Variants in TUSC3 observed in about 807,000 individuals in gnomAD.
The protein encoded by TUSC3 is tumor suppressor candidate 3.
A neutral mutation model predicts 44.8 loss-of-function variants in TUSC3; 45 were observed. The observed-to-expected ratio is 1.00, with a 90% CI of 0.79 to 1.29. TUSC3 has a LOEUF of 1.29. Ranked by LOEUF, TUSC3 falls within the 50% of genes most tolerant of loss-of-function variation. The probability of loss-of-function intolerance (pLI) is 0.00; values close to 1 mark genes in which losing one functional copy is unlikely to be tolerated. For synonymous variants in TUSC3, 212 were observed against 152.9 expected, an observed-to-expected ratio of 1.39 and a Z score of -2.85; for missense variants, 519 against 437.9, an observed-to-expected ratio of 1.19 and a Z score of -1.65.
At chr8:15,656,617 C>G (rs935921192) in intron 3 of TUSC3, among the ~76,000 whole-genome samples, 4 of 145,428 alleles carry the variant, frequency 2.8e-5, no homozygotes, top group Non-Finnish European at 6.1e-5. Context: ...TTTGCCAGGC[C>G]CAAGCCCACG....
At chr8:15,522,921 C>T (rs1801317089) in intron 2 of TUSC3, among the ~76,000 whole-genome samples, 1 of 152,132 alleles carries the variant, frequency 6.6e-6, no homozygotes, top group Non-Finnish European at 1.5e-5. Flanking sequence ...TTTCAAGGAG[C>T]AGAGAGAGGC....
In TUSC3 at chr8:15,488,281, G is replaced by A. The variant is rs531252200; in HGVS notation, n.189+4798G>A. Among the ~76,000 whole-genome samples, 32 of 151,574 alleles carry A rather than the reference G, an allele frequency of 2.1e-4. 1 individual carries two copies. Among genetic ancestry groups the A allele is most frequent in the South Asian group, 4.2e-4 (2 of 4,782 alleles). Reference sequence around the variant, plus strand: ...AGCAATTTGGGAATCCAAATTGCTTGAGCTCAGGAGCCCAGGACCAGCCTG... The same window carrying A: ...AGCAATTTGGGAATCCAAATTGCTTAAGCTCAGGAGCCCAGGACCAGCCTG... On this transcript the variant is annotated intron_variant and non_coding_transcript_variant, in intron 2 of 5. Transcript: ENST00000503191.
intron 1 of TUSC3, among the ~76,000 whole-genome samples, chr8:15,584,754 G>C (rs1292020594): frequency 1.3e-5 from 2 of 152,110 alleles, no homozygotes; most frequent in Non-Finnish European, 2.9e-5. Flanking sequence ...GTGAGAACAG[G>C]ATTCATTGAC....
chr8:15,823,739 A>G, the TUSC3 span, among the ~76,000 whole-genome samples: 3 of 152,304 alleles, frequency 2.0e-5, no homozygotes, highest in Non-Finnish European at 4.4e-5. Flanking sequence ...CTAAAATATC[A>G]GTGTTGAAAT....
At chr8:15,474,178 CACAG>C (rs1187092745) in intron 1 of TUSC3, among the ~76,000 whole-genome samples, 2 of 152,204 alleles carry the variant, frequency 1.3e-5, no homozygotes, top group Non-Finnish European at 2.9e-5. Flanking sequence ...TGCCCGACCT[CACAG>C]GCAGTCAGAC....
chr8:15,657,987 C>T (rs1183581192), intron 3 of TUSC3, among the ~76,000 whole-genome samples: 4 of 152,188 alleles, frequency 2.6e-5, no homozygotes, highest in Non-Finnish European at 5.9e-5. Flanking sequence ...GCAGGCTCAA[C>T]TTGCACTTTT....
chr8:15,757,794 T>A lies in TUSC3; in HGVS notation c.1032T>A (p.Asp344Glu), dbSNP rs1380188913. 4.1e-6 allele frequency: 6 copies of A among 1,462,912 alleles called. No homozygotes were observed. Among genetic ancestry groups the A allele is most frequent in the Non-Finnish European group, 5.8e-6 (6 of 1,042,346 alleles). 90.6% of individuals were successfully genotyped at this position (1,462,912 alleles called of 1,614,324 possible). A position where few individuals can be genotyped will look rare whatever the true frequency, so the allele number is the denominator to read the frequency against. Residue 344 changes from aspartate to glutamate, a missense_variant, in exon 10 of 11, where the codon GAT becomes GAA. Asp to Glu is a conservative substitution (Grantham distance 45, BLOSUM62 2). Transcript: ENST00000503731. The stretch of plus-strand genomic sequence containing the variant: ...TTCATTGTGGTGTATTGGAAAGTGA[T>A]CTGGACTTTGAGTGAGAAGATGTGA... The part of the protein sequence containing the change: ...RSKYHGYPYS[D>E]LDFE
At chr8:15,603,433 G>A (rs536952577) in intron 1 of TUSC3, among the ~76,000 whole-genome samples, 2 of 151,632 alleles carry the variant, frequency 1.3e-5, no homozygotes, top group African/African-American at 2.4e-5. Context: ...TGGAAAAACA[G>A]TTTGGCAATA....
the TUSC3 span, among the ~76,000 whole-genome samples, chr8:15,844,113 T>TG: frequency 1.3e-5 from 2 of 152,196 alleles, no homozygotes; most frequent in Admixed American, 6.6e-5. Flanking sequence ...GTTTCATTTT[T>TG]GTTTTCTGGT....
At chr8:15,849,973 T>G in the TUSC3 span, among the ~76,000 whole-genome samples, 6 of 151,906 alleles carry the variant, frequency 3.9e-5, no homozygotes, top group African/African-American at 1.5e-4. Context: ...TCCAAGTTGT[T>G]TTCCACTAAA....
chr8:15,551,412 T>C (rs1001979839), intron 1 of TUSC3, among the ~76,000 whole-genome samples: 1 of 151,832 alleles, frequency 6.6e-6, no homozygotes, highest in Non-Finnish European at 1.5e-5. Context: ...ATTAAAACTT[T>C]CTTATAAAGA....
At chr8:15,784,386 T>A in the TUSC3 span, among the ~76,000 whole-genome samples, 1 of 152,182 alleles carries the variant, frequency 6.6e-6, no homozygotes, top group Non-Finnish European at 1.5e-5. Flanking sequence ...TTTGAAACTG[T>A]GTATTAAATG....
intron 6 of TUSC3, among the ~76,000 whole-genome samples, chr8:15,710,528 C>G (rs1327109866): frequency 2.6e-5 from 4 of 151,614 alleles, no homozygotes; most frequent in Non-Finnish European, 5.9e-5. Flanking sequence ...ATTCCTATGG[C>G]AGGAAAACAT....
At chr8:15,568,094 A>G (rs1802742811) in intron 1 of TUSC3, among the ~76,000 whole-genome samples, 2 of 152,162 alleles carry the variant, frequency 1.3e-5, no homozygotes, top group Admixed American at 6.5e-5. Context: ...GAAAGTGACT[A>G]GAGCCATTCT....
chr8:15,470,323 A>T (rs576957595), intron 1 of TUSC3, among the ~76,000 whole-genome samples: 48 of 152,138 alleles, frequency 3.2e-4, no homozygotes, highest in Admixed American at 1.0e-3. Context: ...TAGGTGGAAC[A>T]AAGAGGTTTT....
chr8:15,523,704 G>GTATATATATATATATATATATATATA (rs1563273688), intron 2 of TUSC3, among the ~76,000 whole-genome samples: 13 of 112,552 alleles, frequency 1.2e-4, no homozygotes, highest in South Asian at 3.3e-4. Context: ...GTGTGTGTGT[G>GTATATATATATATATATATATATATA]TGTGTATATA....
At chr8:15,490,030 A>G (rs1800786552) in intron 2 of TUSC3, among the ~76,000 whole-genome samples, 1 of 152,246 alleles carries the variant, frequency 6.6e-6, no homozygotes, top group South Asian at 2.1e-4. Flanking sequence ...AGGACATTCT[A>G]GCAGTGAGGC....
At chr8:15,511,868 C>CAA (rs34625930) in intron 2 of TUSC3, among the ~76,000 whole-genome samples, 29 of 147,780 alleles carry the variant, frequency 2.0e-4, no homozygotes, top group South Asian at 4.3e-4. Flanking sequence ...AAGACAGTCT[C>CAA]AAAAAAAAAA....
chr8:15,802,950 A>G, the TUSC3 span, among the ~76,000 whole-genome samples: 1 of 152,222 alleles, frequency 6.6e-6, no homozygotes, highest in African/African-American at 2.4e-5. Context: ...GTCACCTGCA[A>G]TAACTGCGGC....
Sources: gnomAD v4.1 joint callset for allele counts (sites outside exome capture counted in the v4.1 genomes callset) on GRCh38, gnomAD v4.1.1 for gene constraint, MANE v1.5 for transcripts, NCBI Gene and HGNC (gene_info 2026-07-23, HGNC 2026-07-21) for gene names.